The following ATRX variants were observed in gnomAD, a reference collection of about 807,000 sequenced individuals.
The protein encoded by ATRX is ATRX chromatin remodeler.
In ATRX, 12 loss-of-function variants were observed where a neutral mutation model predicts 172.6. That is an observed-to-expected ratio of 0.07 (90% CI 0.04 to 0.11). ATRX has a LOEUF of 0.11. ATRX is among the 10% of genes least tolerant of loss of function. The probability of loss-of-function intolerance (pLI) is 1.00; values close to 1 mark genes in which losing one functional copy is unlikely to be tolerated. For missense variants in ATRX, 1,368 were observed against 1,767.4 expected, an observed-to-expected ratio of 0.77 and a Z score of 4.05; for synonymous variants, 674 against 594.7, an observed-to-expected ratio of 1.13 and a Z score of -1.94.
At chrX:77,734,612 C>T (rs1344114155) in intron 1 of ATRX, among the ~76,000 whole-genome samples, 6 of 107,614 alleles carry the variant, frequency 5.6e-5, no homozygotes, top group Non-Finnish European at 1.2e-4. Flanking sequence ...CATGGTGAAA[C>T]CCCGTCTCTA....
chrX:77,769,493 T>C (rs567688273), intron 1 of ATRX, among the ~76,000 whole-genome samples: 44 of 110,747 alleles, frequency 4.0e-4, no homozygotes, highest in African/African-American at 1.4e-3. Flanking sequence ...TTCACCATGT[T>C]GGCCAGGCTG....
intron 27 of ATRX, among the ~76,000 whole-genome samples, chrX:77,589,187 A>G (rs181834544): frequency 8.9e-4 from 100 of 112,575 alleles, no homozygotes; most frequent in African/African-American, 3.1e-3. Flanking sequence ...GTTTCCATTT[A>G]TGTGACTGGT....
rs978376242 is a variant in ATRX, at chrX:77,682,316, A to G, written c.2940T>C (p.Asp980=). Residue 980 remains aspartate (D), a synonymous_variant, in exon 9 of 35, where the codon GAT becomes GAC. Transcript: ENST00000373344. Reference sequence around the variant, plus strand: ...TTCCCTTTTTGCTCTGCTTTTTATCATCTTCAGAAGTTTCATCGCTCTGGT... The same window carrying G: ...TTCCCTTTTTGCTCTGCTTTTTATCGTCTTCAGAAGTTTCATCGCTCTGGT... ...KKDQSDETSE[D]DKKQSKKGTE... is the part of the protein sequence containing the mutation. 7 of 1,201,340 alleles carry G rather than the reference A, an allele frequency of 5.8e-6. No individual in the cohort carries two copies. Among genetic ancestry groups the G allele is most frequent in the African/African-American group, 1.8e-5 (1 of 56,270 alleles).
intron 1 of ATRX, among the ~76,000 whole-genome samples, chrX:77,738,053 G>A (rs1348109659): frequency 5.4e-5 from 6 of 111,243 alleles, no homozygotes; most frequent in Admixed American, 9.7e-5. Context: ...TTGCACTTCC[G>A]GCTGGGTGCA....
rs200099576 is a variant in ATRX, at chrX:77,759,192, C to CA, written c.20+26789dup. ...AAGTATTAAATTACAGTTATCTACA[C>CA]AAAAACATCGACCAGGATGAAGAAC... is the stretch of plus-strand genomic sequence containing the variant. On this transcript the variant is annotated intron_variant, in intron 1 of 34. Coordinates refer to ENST00000373344, the MANE Select transcript of ATRX (RefSeq NM_000489.6). Among the ~76,000 whole-genome samples, 403 of 111,574 alleles carry CA rather than the reference C, an allele frequency of 3.6e-3. 13 individuals carry two copies. The East Asian group carries it at 0.094, about 26-fold the overall frequency.
chrX:77,707,948 G>A (rs1477841373), intron 2 of ATRX, among the ~76,000 whole-genome samples: 1 of 112,020 alleles, frequency 8.9e-6, no homozygotes, highest in Non-Finnish European at 1.9e-5. Context: ...GCATGGACGT[G>A]AAGAACTCAC....
intron 20 of ATRX, among the ~76,000 whole-genome samples, chrX:77,619,434 A>C (rs1331286566): frequency 9.0e-6 from 1 of 111,219 alleles, no homozygotes; most frequent in Admixed American, 9.6e-5. Context: ...GAATAACCAA[A>C]TAATATTTGA....
chrX:77,572,182 A>G (rs1334154747), intron 28 of ATRX, among the ~76,000 whole-genome samples: 1 of 111,129 alleles, frequency 9.0e-6, no homozygotes, highest in Non-Finnish European at 1.9e-5. Flanking sequence ...CCCCAAATCC[A>G]TAATATACAT....
In ATRX at chrX:77,524,091, A is replaced by G. The variant is rs184646966; in HGVS notation, c.6700-690T>C. 5.8e-4 allele frequency among the ~76,000 whole-genome samples: 65 copies of G among 111,995 alleles called. No individual in the cohort carries two copies. The East Asian group carries it at 0.018, about 31-fold the overall frequency. ...AAGCTTAAAAATTGGGATCATTTATATACTCAGTAAGAACAACTAAACTCC... is the reference window on the plus strand; with the variant it reads ...AAGCTTAAAAATTGGGATCATTTATGTACTCAGTAAGAACAACTAAACTCC... On this transcript the variant is annotated intron_variant, in intron 30 of 34. Coordinates refer to ENST00000373344, the MANE Select transcript of ATRX (RefSeq NM_000489.6).
At chrX:77,620,946 A>G (rs2067554661) in intron 19 of ATRX, among the ~76,000 whole-genome samples, 1 of 112,438 alleles carries the variant, frequency 8.9e-6, no homozygotes, top group Admixed American at 9.4e-5. Flanking sequence ...GTATATATAC[A>G]TGAAAAGACA....
chrX:77,686,766 G>A (rs1452109328), intron 7 of ATRX, among the ~76,000 whole-genome samples: 10 of 110,855 alleles, frequency 9.0e-5, no homozygotes, highest in Non-Finnish European at 1.3e-4. Flanking sequence ...CCCAATGTCT[G>A]TATTTTCCAG....
chrX:77,562,685 T>C (rs1471393648), intron 28 of ATRX, among the ~76,000 whole-genome samples: 2 of 111,340 alleles, frequency 1.8e-5, no homozygotes, highest in Admixed American at 1.9e-4. Flanking sequence ...GTTATGACTA[T>C]AGACATGTGC....
intron 22 of ATRX, among the ~76,000 whole-genome samples, chrX:77,608,361 C>T (rs1361113925): frequency 2.1e-5 from 2 of 95,651 alleles, no homozygotes; most frequent in Non-Finnish European, 4.1e-5. Context: ...AGAGCGAGAC[C>T]CCGTCTCAAA....
intron 27 of ATRX, among the ~76,000 whole-genome samples, chrX:77,580,845 T>C (rs1206475581): frequency 8.9e-6 from 1 of 111,763 alleles, no homozygotes; most frequent in Non-Finnish European, 1.9e-5. Flanking sequence ...CAAAAATAAC[T>C]ACAACAACAT....
chrX:77,621,817 A>G (rs1044294155), intron 19 of ATRX, among the ~76,000 whole-genome samples: 7 of 111,412 alleles, frequency 6.3e-5, no homozygotes, highest in African/African-American at 2.3e-4. Flanking sequence ...GTTATTCAGT[A>G]TTCAGTTGGG....
intron 2 of ATRX, among the ~76,000 whole-genome samples, chrX:77,711,304 T>TATC (rs1363582818): frequency 8.9e-6 from 1 of 112,033 alleles, no homozygotes; most frequent in Non-Finnish European, 1.9e-5. Flanking sequence ...GGATGTCTGC[T>TATC]ATCATCATCA....
intron 1 of ATRX, among the ~76,000 whole-genome samples, chrX:77,770,398 G>A (rs782632525): frequency 5.7e-4 from 63 of 110,549 alleles, no homozygotes; most frequent in African/African-American, 1.9e-3. Context: ...CACCATGCCC[G>A]GCCAAAAATG....
At chrX:77,619,219 T>A (rs2067482470) in intron 20 of ATRX, among the ~76,000 whole-genome samples, 1 of 111,430 alleles carries the variant, frequency 9.0e-6, no homozygotes, top group African/African-American at 3.3e-5. Flanking sequence ...GAACGTTTTT[T>A]AAAAATACCT....
At chrX:77,592,819 A>T (rs2066323557) in intron 26 of ATRX, among the ~76,000 whole-genome samples, 1 of 111,403 alleles carries the variant, frequency 9.0e-6, no homozygotes, top group Non-Finnish European at 1.9e-5. Context: ...TCTCAAAAAA[A>T]AAAAAATAAT....
Sources: allele counts gnomAD v4.1 joint callset (sites outside exome capture counted in the v4.1 genomes callset), GRCh38; gene constraint gnomAD v4.1.1; transcripts MANE v1.5; gene names NCBI Gene and HGNC (gene_info 2026-07-23, HGNC 2026-07-21).